DYDC1: variants seen among roughly 807,000 people sequenced by gnomAD.
DYDC1 encodes DPY30 domain-containing protein 1.
In DYDC1, 21 loss-of-function variants were observed where a neutral mutation model predicts 27.9. The ratio of observed to expected loss-of-function variants is 0.75; its 90% CI spans 0.53 to 1.08. The LOEUF (loss-of-function observed/expected upper bound fraction) is 1.08. Ranked by LOEUF, DYDC1 falls within the 50% of genes least tolerant of loss-of-function variation. The pLI is 0.00. For missense variants in DYDC1, 202 were observed against 205.9 expected (o/e 0.98, Z 0.12); for synonymous variants, 67 against 65.8 (o/e 1.02, Z -0.09).
chr10:80,344,529 A>T (rs1019464358), intron 3 of DYDC1, among the ~76,000 whole-genome samples: 2 of 152,184 alleles, frequency 1.3e-5, no homozygotes, highest in African/African-American at 4.8e-5. Flanking sequence ...AACCTCTATG[A>T]ATAGTCTTTG....
intron 6 of DYDC1, among the ~76,000 whole-genome samples, chr10:80,336,631 A>G (rs1842143999): frequency 6.6e-6 from 1 of 152,234 alleles, no homozygotes; most frequent in Non-Finnish European, 1.5e-5. Context: ...TTTCACCTGC[A>G]TATCTCAGAG....
intron 6 of DYDC1, among the ~76,000 whole-genome samples, chr10:80,337,803 C>G (rs536362794): frequency 6.6e-6 from 1 of 152,310 alleles, no homozygotes; most frequent in South Asian, 2.1e-4. Context: ...TGGCTGTCCC[C>G]CCTTGTCCGT....
chr10:80,343,866 G>A (rs528667727), intron 3 of DYDC1, among the ~76,000 whole-genome samples: 1 of 152,128 alleles, frequency 6.6e-6, no homozygotes, highest in South Asian at 2.1e-4. Context: ...GGGCATGGTG[G>A]CTCACACCTG....
chr10:80,349,170 C>T (rs1487027941), intron 3 of DYDC1, among the ~76,000 whole-genome samples: 1 of 152,152 alleles, frequency 6.6e-6, no homozygotes, highest in Non-Finnish European at 1.5e-5. Context: ...GGATTACAGG[C>T]GTGAGCCACC....
chr10:80,350,931 A>G (rs1481735035), intron 3 of DYDC1, among the ~76,000 whole-genome samples: 1 of 152,204 alleles, frequency 6.6e-6, no homozygotes, highest in Non-Finnish European at 1.5e-5. Context: ...TCCTGCTTCA[A>G]TTAAAAGGTC....
intron 3 of DYDC1, among the ~76,000 whole-genome samples, chr10:80,344,362 T>C (rs1842487079): frequency 6.6e-6 from 1 of 151,950 alleles, no homozygotes; most frequent in Non-Finnish European, 1.5e-5. Context: ...CTGCTCAGAG[T>C]TGACACTGGG....
At chr10:80,352,286 G>A (rs757102937) in intron 2 of DYDC1, among the ~76,000 whole-genome samples, 169 bp downstream of exon 2, 4 of 152,108 alleles carry the variant, frequency 2.6e-5, no homozygotes, top group Non-Finnish European at 4.4e-5. Context: ...CTAAATAGAA[G>A]TCTTCTTTGG....
chr10:80,350,840 C>T (rs1354764759), intron 3 of DYDC1, among the ~76,000 whole-genome samples: 2 of 152,176 alleles, frequency 1.3e-5, no homozygotes, highest in Non-Finnish European at 2.9e-5. Context: ...GAACTTTCCT[C>T]TCTCCAGCTT....
intron 3 of DYDC1, 70 bp from the exon 4 acceptor site, chr10:80,342,431 C>T (rs1842366599): frequency 6.8e-7 from 1 of 1,467,170 alleles, no homozygotes; most frequent in Admixed American, 1.7e-5. Context: ...TACCCACCTT[C>T]ATTTCAGAAA....
intron 6 of DYDC1, among the ~76,000 whole-genome samples, chr10:80,336,596 C>G (rs143164742): frequency 5.8e-4 from 88 of 152,358 alleles, no homozygotes; most frequent in African/African-American, 1.9e-3. Context: ...TGGGCCCCTT[C>G]CTAACATCAA....
At chr10:80,352,307 C>A in intron 2 of DYDC1, 148 bp downstream of exon 2, 4 of 1,196,168 alleles carry the variant, frequency 3.3e-6, no homozygotes, top group Non-Finnish European at 4.4e-6. Context: ...GTAATGTTTT[C>A]TCCTTCCTGC....
intron 1 of DYDC1, among the ~76,000 whole-genome samples, chr10:80,353,884 G>C (rs576683226): frequency 6.6e-6 from 1 of 152,186 alleles, no homozygotes; most frequent in African/African-American, 2.4e-5. Context: ...TCAGGATTTT[G>C]AAACCATGTT....
At chr10:80,344,847 G>A in intron 3 of DYDC1, 1 of 200,948 alleles carries the variant, frequency 5.0e-6, no homozygotes, top group South Asian at 7.9e-5. Context: ...TTTCTTCCCA[G>A]TGTTGGGTAT....
intron 1 of DYDC1, among the ~76,000 whole-genome samples, chr10:80,354,940 T>C (rs1183748637): frequency 1.3e-5 from 2 of 151,970 alleles, no homozygotes; most frequent in South Asian, 2.1e-4. Flanking sequence ...ATGGAGCTTA[T>C]AGATGAGAAA....
chr10:80,343,364 A>G (rs914586591), intron 3 of DYDC1, among the ~76,000 whole-genome samples: 3 of 152,172 alleles, frequency 2.0e-5, no homozygotes, highest in Non-Finnish European at 4.4e-5. Context: ...TGCACTCACC[A>G]CTTTGCCTGG....
chr10:80,345,590 C>T (rs904227298), intron 3 of DYDC1, among the ~76,000 whole-genome samples: 1 of 152,136 alleles, frequency 6.6e-6, no homozygotes, highest in Admixed American at 6.5e-5. Flanking sequence ...TCCAGGCCTA[C>T]CCCCACTCCA....
chr10:80,356,424 CAGTAT>C, intron 1 of DYDC1: 1 of 985,456 alleles, frequency 1.0e-6, no homozygotes, highest in Non-Finnish European at 1.2e-6. Context: ...GTGCCAGATA[CAGTAT>C]TGTATCTGGC....
At chr10:80,338,786 A>T (rs1377716244) in intron 5 of DYDC1, among the ~76,000 whole-genome samples, 1 of 152,192 alleles carries the variant, frequency 6.6e-6, no homozygotes, top group Non-Finnish European at 1.5e-5. Context: ...TAAATACTAG[A>T]ACTTTTTTTA....
intron 3 of DYDC1, among the ~76,000 whole-genome samples, chr10:80,351,568 G>C (rs1324957764): frequency 6.6e-6 from 1 of 152,064 alleles, no homozygotes; most frequent in African/African-American, 2.4e-5. Context: ...AATAGATATG[G>C]TTGACCACTC....
Sources: gnomAD v4.1 joint callset for allele counts (sites outside exome capture counted in the v4.1 genomes callset) on GRCh38, gnomAD v4.1.1 for gene constraint, MANE v1.5 for transcripts, NCBI Gene and HGNC (gene_info 2026-07-23, HGNC 2026-07-21) for gene names.